SLC25A18: variants seen among roughly 807,000 people sequenced by gnomAD.
SLC25A18 encodes mitochondrial glutamate carrier 2.
Under a neutral mutation model 31.1 loss-of-function variants are expected in SLC25A18, and 24 were observed. The observed-to-expected ratio is 0.77, with a 90% CI of 0.56 to 1.08. The LOEUF (loss-of-function observed/expected upper bound fraction) is 1.08, where lower values mean the gene tolerates loss of function less well. SLC25A18 is among the 50% of genes least tolerant of loss of function. The probability of loss-of-function intolerance (pLI) is 0.00; values close to 1 mark genes in which losing one functional copy is unlikely to be tolerated. For synonymous variants in SLC25A18, 173 were observed against 161.9 expected, an observed-to-expected ratio of 1.07 and a Z score of -0.52; for missense variants, 371 against 418.5, an observed-to-expected ratio of 0.89 and a Z score of 0.99.
chr22:17,574,765 C>A (rs1476431044), intron 2 of SLC25A18, among the ~76,000 whole-genome samples: 3 of 150,120 alleles, frequency 2.0e-5, no homozygotes, highest in Non-Finnish European at 4.4e-5. Flanking sequence ...CCTGATCCAC[C>A]CACCCTCGGC....
Position 17,590,140 on chromosome 22 carries a change from T to G in SLC25A18, c.852T>G (p.Ala284=). Residue 284 remains alanine, a synonymous_variant, in exon 11 of 11, where the codon GCT becomes GCG. Transcript: ENST00000327451. The part of the protein sequence containing the change: ...QEGPSAFMKG[A]GCRALVIAPL... ...GACCATCTGCCTTCATGAAAGGCGC[T>G]GGCTGCCGGGCACTGGTCATAGCAC... 6.2e-6 allele frequency: 10 copies of G among 1,614,254 alleles called. No individual in the cohort carries two copies. Among genetic ancestry groups the G allele is most frequent in the Non-Finnish European group, 7.6e-6 (9 of 1,180,050 alleles).
In SLC25A18 at chr22:17,590,878, G is replaced by A. The variant is rs2057694356; in HGVS notation, c.*642G>A. On this transcript the variant is annotated 3_prime_UTR_variant, in exon 11 of 11. Coordinates refer to ENST00000327451, the MANE Select transcript of SLC25A18 (RefSeq NM_031481.3). ...GGAACACTCTGAAATAAAGGTGAAT[G>A]GCTAAAATCTCATCTGTTCATCAGT... is the stretch of plus-strand genomic sequence containing the variant. 1 of 152,336 alleles carries A rather than the reference G, an allele frequency of 6.6e-6. No individual in the cohort carries two copies. Among genetic ancestry groups the A allele is most frequent in the African/African-American group, 2.4e-5 (1 of 41,434 alleles). The allele number at this position is 152,336 out of a possible 1,614,324, so 9.4% of individuals were successfully genotyped here. A position where few individuals can be genotyped will look rare whatever the true frequency, so the allele number is the denominator to read the frequency against.
chr22:17,574,526 T>A (rs1254032677), intron 2 of SLC25A18, among the ~76,000 whole-genome samples: 2 of 151,116 alleles, frequency 1.3e-5, no homozygotes, highest in African/African-American at 4.9e-5. Flanking sequence ...TTTTTTTATT[T>A]TTTTTTTTGA....
intron 6 of SLC25A18, 21 bp downstream of exon 6, chr22:17,582,674 G>T: frequency 3.2e-6 from 5 of 1,583,394 alleles, no homozygotes; most frequent in Non-Finnish European, 4.3e-6. Flanking sequence ...GTGGGGTGGG[G>T]TTGGATCCTT....
At chr22:17,589,308 G>A (rs2057648518) in intron 9 of SLC25A18, 1 of 310,722 alleles carries the variant, frequency 3.2e-6, no homozygotes, top group Non-Finnish European at 6.3e-6. Flanking sequence ...AGCCTCATGA[G>A]TAGCTGGGAC....
intron 2 of SLC25A18, among the ~76,000 whole-genome samples, chr22:17,576,999 A>G (rs1331321723): frequency 6.6e-6 from 1 of 152,068 alleles, no homozygotes; most frequent in Non-Finnish European, 1.5e-5. Context: ...AGCTGGGATT[A>G]TAGGTGCCCA....
intron 2 of SLC25A18, among the ~76,000 whole-genome samples, chr22:17,574,398 C>T (rs2057173628): frequency 6.6e-6 from 1 of 152,246 alleles, no homozygotes; most frequent in Admixed American, 6.5e-5. Flanking sequence ...TGTGGCCTAA[C>T]CTGCCTTTGC....
In SLC25A18 at chr22:17,590,140, T is replaced by A; in HGVS notation, c.852T>A (p.Ala284=). ...QEGPSAFMKG[A]GCRALVIAPL... ...GACCATCTGCCTTCATGAAAGGCGC[T>A]GGCTGCCGGGCACTGGTCATAGCAC... The change falls in exon 11 of 11, where the codon GCT becomes GCA. Residue 284 remains alanine, a synonymous_variant. Transcript: ENST00000327451. 6.2e-7 allele frequency: 1 copy of A among 1,614,254 alleles called. No individual in the cohort carries two copies. The highest frequency in any genetic ancestry group is 8.5e-7 in the Non-Finnish European group (1 of 1,180,050).
chr22:17,589,779 GTCTGTCTTTCCC>G (rs2057666097), intron 10 of SLC25A18, 114 bp downstream of exon 10: 2 of 1,026,906 alleles, frequency 1.9e-6, no homozygotes, highest in East Asian at 5.0e-5. Flanking sequence ...TTTCTTTGAA[GTCTGTCTTTCCC>G]TCACCTCTCA....
intron 2 of SLC25A18, 163 bp downstream of exon 2, chr22:17,570,149 C>T (rs1027701172): frequency 3.3e-6 from 1 of 302,610 alleles, no homozygotes; most frequent in African/African-American, 2.3e-5. Flanking sequence ...AGTGGCCGCC[C>T]CTGACCATGG....
chr22:17,584,085 G>T, intron 7 of SLC25A18: 1 of 984,956 alleles, frequency 1.0e-6, no homozygotes. Flanking sequence ...AATTAGACTT[G>T]ATCTCCTAAA....
chr22:17,572,723 G>C (rs1454337794), intron 2 of SLC25A18, among the ~76,000 whole-genome samples: 10 of 129,886 alleles, frequency 7.7e-5, no homozygotes, highest in Non-Finnish European at 1.5e-5. Context: ...CTCACTGCAA[G>C]CTCCGCCTCC....
In SLC25A18 at chr22:17,588,894, TA is replaced by T. The variant is rs35328239; in HGVS notation, c.731-684del. 5.1e-3 allele frequency: 728 copies of T among 141,848 alleles called. 5 individuals are homozygous for T. The highest frequency in any genetic ancestry group is 0.016 in the African/African-American group (607 of 38,830). 8.8% of individuals were successfully genotyped at this position (141,848 alleles called of 1,614,324 possible). On this transcript the variant is annotated intron_variant, in intron 9 of 10. Coordinates refer to ENST00000327451, the MANE Select transcript of SLC25A18 (RefSeq NM_031481.3). ...GGGCAACAAAGTGAGACCCTGTCTC[TA>T]AAAAAAAAAAATGAAAACATTAGCT...
At position 17,579,839 on chromosome 22, in the gene SLC25A18, G is replaced by A. The variant is rs549422029; in HGVS notation, c.-106G>A. On this transcript the variant is annotated 5_prime_UTR_variant, in exon 3 of 11. Transcript: ENST00000327451. ...ACCCGTGCTCTGTCCACACTGCTACGGGGCCAGAGCCAAGGAAGCTTCCAC... is the reference window on the plus strand; with the variant it reads ...ACCCGTGCTCTGTCCACACTGCTACAGGGCCAGAGCCAAGGAAGCTTCCAC... 7.8e-5 allele frequency: 118 copies of A among 1,516,768 alleles called. No individual in the cohort carries two copies. Among genetic ancestry groups the A allele is most frequent in the African/African-American group, 2.2e-4 (16 of 72,632 alleles). The allele number at this position is 1,516,768 out of a possible 1,614,324, so 94.0% of individuals were successfully genotyped here.
intron 2 of SLC25A18, among the ~76,000 whole-genome samples, chr22:17,578,009 G>C (rs1285247980): frequency 4.1e-5 from 6 of 147,946 alleles, no homozygotes; most frequent in Admixed American, 2.1e-4. Flanking sequence ...GGGGGGCATA[G>C]GGTTTCGCTC....
At chr22:17,584,781 CAAAAAAAAAAAAA>C (rs66948770) in intron 7 of SLC25A18, among the ~76,000 whole-genome samples, 7 of 20,068 alleles carry the variant, frequency 3.5e-4, no homozygotes, top group East Asian at 3.4e-3. Flanking sequence ...GAATTCATCT[CAAAAAAAAAAAAA>C]AAAAAAAAAA....
intron 10 of SLC25A18, among the ~76,000 whole-genome samples, 192 bp downstream of exon 10, chr22:17,589,857 C>T (rs5747244): frequency 6.6e-6 from 1 of 152,158 alleles, no homozygotes; most frequent in South Asian, 2.1e-4. Context: ...CCTACAGCAT[C>T]TCTCACCAAA....
At chr22:17,584,279 G>GT (rs1260042660) in intron 7 of SLC25A18, among the ~76,000 whole-genome samples, 1 of 151,696 alleles carries the variant, frequency 6.6e-6, no homozygotes, top group African/African-American at 2.4e-5. Flanking sequence ...TGTAGTCTCA[G>GT]CTATCCGGGA....
chr22:17,582,466 T>G, intron 5 of SLC25A18, 97 bp from the exon 6 acceptor site: 1 of 975,028 alleles, frequency 1.0e-6, no homozygotes, highest in Non-Finnish European at 1.5e-6. Context: ...AAAATGCCCT[T>G]CACTCAGGGA....
Sources: gnomAD v4.1 joint callset for allele counts (sites outside exome capture counted in the v4.1 genomes callset) on GRCh38, gnomAD v4.1.1 for gene constraint, MANE v1.5 for transcripts, NCBI Gene and HGNC (gene_info 2026-07-23, HGNC 2026-07-21) for gene names.